The following DNAJC1 variants were observed in gnomAD, a reference collection of about 807,000 sequenced individuals.
DNAJC1 encodes DnaJ heat shock protein family (Hsp40) member C1.
In DNAJC1, 58 loss-of-function variants were observed where a neutral mutation model predicts 76.6. The observed-to-expected ratio is 0.76, with a 90% confidence interval of 0.61 to 0.94. The LOEUF (loss-of-function observed/expected upper bound fraction) is 0.94, where lower values mean the gene tolerates loss of function less well. Ranked by LOEUF, DNAJC1 falls within the 40% of genes least tolerant of loss-of-function variation. DNAJC1 has a pLI of 0.00. For missense variants in DNAJC1, 689 were observed against 677.3 expected (o/e 1.02, Z -0.19); for synonymous variants, 258 against 267.9 (o/e 0.96, Z 0.36).
intron 1 of DNAJC1, among the ~76,000 whole-genome samples, chr10:21,958,647 C>T (rs906146979): frequency 3.9e-5 from 6 of 152,006 alleles, no homozygotes; most frequent in African/African-American, 9.7e-5. Context: ...AGGACAGTCT[C>T]GATCTCCTCA....
intron 8 of DNAJC1, among the ~76,000 whole-genome samples, chr10:21,825,564 T>A (rs7916606): frequency 0.029 from 4,462 of 152,282 alleles, 104 homozygotes; most frequent in Middle Eastern, 0.065. Flanking sequence ...AATTGCTGGG[T>A]CATATGGTAA....
chr10:21,758,237 G>A (rs375508526), intron 11 of DNAJC1, among the ~76,000 whole-genome samples: 17 of 152,340 alleles, frequency 1.1e-4, no homozygotes, highest in African/African-American at 4.1e-4. Flanking sequence ...AAATGAGCAT[G>A]AGTGTGCCCA....
At chr10:21,854,721 G>A (rs1835808430) in intron 8 of DNAJC1, among the ~76,000 whole-genome samples, 1 of 152,134 alleles carries the variant, frequency 6.6e-6, no homozygotes, top group Non-Finnish European at 1.5e-5. Context: ...CAGGTGGTAT[G>A]ACAGCAGCCA....
At chr10:21,947,024 C>T (rs769900508) in intron 1 of DNAJC1, among the ~76,000 whole-genome samples, 1 of 152,066 alleles carries the variant, frequency 6.6e-6, no homozygotes, top group Non-Finnish European at 1.5e-5. Context: ...ACCAGATGCT[C>T]CCACCTTGAT....
At chr10:21,914,731 C>T (rs1246386968) in intron 6 of DNAJC1, among the ~76,000 whole-genome samples, 1 of 152,066 alleles carries the variant, frequency 6.6e-6, no homozygotes, top group Admixed American at 6.5e-5. Context: ...TGCTTTTAGC[C>T]TTAACACAGT....
In DNAJC1 at chr10:21,763,957, TA is replaced by T. The variant is rs554472370; in HGVS notation, c.1147+2303del. Among the ~76,000 whole-genome samples, 4 of 152,304 alleles carry T rather than the reference TA, an allele frequency of 2.6e-5. No individual in the cohort carries two copies. In the East Asian group the frequency reaches 7.7e-4, roughly 29 times the overall value. ...AATGGGCACAGTGAGGGTGCTGGCA[TA>T]AGTCGGAATATCAAAGATGAGAAAG... On this transcript the variant is annotated intron_variant, in intron 10 of 11. Coordinates refer to ENST00000376980, the MANE Select transcript of DNAJC1 (RefSeq NM_022365.4).
chr10:21,992,304 C>CT (rs1838338483), intron 1 of DNAJC1, among the ~76,000 whole-genome samples: 1 of 152,128 alleles, frequency 6.6e-6, no homozygotes, highest in Admixed American at 6.5e-5. Flanking sequence ...GAACGAGACT[C>CT]TGTCTCAAAA....
intron 9 of DNAJC1, among the ~76,000 whole-genome samples, chr10:21,778,317 T>C (rs901499272): frequency 2.0e-5 from 3 of 152,222 alleles, no homozygotes; most frequent in African/African-American, 7.2e-5. Flanking sequence ...TTTTAAATAC[T>C]GTTTTCTTCC....
chr10:22,003,571 T>G lies in DNAJC1; in HGVS notation c.-137A>C. 3.7e-6 allele frequency: 4 copies of G among 1,089,018 alleles called. No homozygotes were observed. The highest frequency in any genetic ancestry group is 3.4e-4 in the Middle Eastern group (1 of 2,940). The allele number at this position is 1,089,018 out of a possible 1,614,324, so 67.5% of individuals were successfully genotyped here. ...AGGCGCACCGGAGCGGCCCGCCAGG[T>G]GGCTGGCCCCAGACAGAGCGCGGAG... On this transcript the variant is annotated 5_prime_UTR_variant, in exon 1 of 12. Coordinates refer to ENST00000376980, the MANE Select transcript of DNAJC1 (RefSeq NM_022365.4).
intron 8 of DNAJC1, among the ~76,000 whole-genome samples, chr10:21,863,526 TA>T (rs958366345): frequency 6.9e-4 from 105 of 151,634 alleles, no homozygotes; most frequent in Admixed American, 6.6e-4. Flanking sequence ...TCACTGGACA[TA>T]AAAAAAATAG....
At chr10:21,770,474 TG>T (rs1834360386) in intron 9 of DNAJC1, among the ~76,000 whole-genome samples, 1 of 148,474 alleles carries the variant, frequency 6.7e-6, no homozygotes, top group South Asian at 2.2e-4. Context: ...CTCGACTCAC[TG>T]CAGCCTCCGC....
chr10:21,863,955 G>A (rs1835955027), intron 8 of DNAJC1, among the ~76,000 whole-genome samples: 2 of 152,078 alleles, frequency 1.3e-5, no homozygotes, highest in South Asian at 4.1e-4. Context: ...TAATCCCAAG[G>A]AAGTTAGGAG....
At chr10:21,911,015 G>A (rs1459030711) in intron 6 of DNAJC1, among the ~76,000 whole-genome samples, 1 of 144,926 alleles carries the variant, frequency 6.9e-6, no homozygotes, top group Non-Finnish European at 1.5e-5. Flanking sequence ...GAAAGAGAAA[G>A]AGAAAAAGAG....
chr10:21,858,908 G>A (rs1429679687), intron 8 of DNAJC1, among the ~76,000 whole-genome samples: 1 of 152,048 alleles, frequency 6.6e-6, no homozygotes, highest in African/African-American at 2.4e-5. Context: ...TTGAATGATT[G>A]TTTCCACAAA....
intron 8 of DNAJC1, among the ~76,000 whole-genome samples, chr10:21,864,821 G>A (rs1335588412): frequency 6.6e-6 from 1 of 151,990 alleles, no homozygotes; most frequent in Admixed American, 6.6e-5. Flanking sequence ...ATGGGAGAAC[G>A]TATCTGCAAA....
At chr10:21,920,004 G>A in intron 4 of DNAJC1, 75 bp from the exon 5 acceptor site, 1 of 919,628 alleles carries the variant, frequency 1.1e-6, no homozygotes, top group Non-Finnish European at 1.7e-6. Flanking sequence ...GCTCTTCTGT[G>A]AAGGGTAAAC....
intron 3 of DNAJC1, among the ~76,000 whole-genome samples, chr10:21,924,663 A>C (rs2131775197): frequency 6.6e-6 from 1 of 152,328 alleles, no homozygotes; most frequent in South Asian, 2.1e-4. Flanking sequence ...AGGTTTTCTT[A>C]CAATAACCAG....
At chr10:21,951,894 G>C (rs1277735542) in intron 1 of DNAJC1, among the ~76,000 whole-genome samples, 1 of 152,176 alleles carries the variant, frequency 6.6e-6, no homozygotes, top group Non-Finnish European at 1.5e-5. Flanking sequence ...TGATGTTCTT[G>C]AAATGTGTCC....
intron 1 of DNAJC1, among the ~76,000 whole-genome samples, chr10:21,954,196 AT>A (rs1443630258): frequency 1.3e-5 from 2 of 152,204 alleles, no homozygotes; most frequent in Non-Finnish European, 2.9e-5. Flanking sequence ...GTACACTATA[AT>A]ACTTTATAAA....
Sources: gnomAD v4.1 joint callset for allele counts (sites outside exome capture counted in the v4.1 genomes callset) on GRCh38, gnomAD v4.1.1 for gene constraint, MANE v1.5 for transcripts, NCBI Gene and HGNC (gene_info 2026-07-23, HGNC 2026-07-21) for gene names.